The following SH3PXD2B variants were observed in gnomAD, a reference collection of about 807,000 sequenced individuals.
SH3PXD2B encodes SH3 and PX domains 2B.
A neutral mutation model predicts 73.1 loss-of-function variants in SH3PXD2B; 37 were observed. The ratio of observed to expected loss-of-function variants is 0.51; its 90% CI spans 0.39 to 0.67. SH3PXD2B has a LOEUF of 0.67. Among genes scored for constraint, SH3PXD2B ranks in the 30% least tolerant of loss-of-function variants. SH3PXD2B has a pLI of 0.00. For synonymous variants in SH3PXD2B, 457 were observed against 480.5 expected, an observed-to-expected ratio of 0.95 and a Z score of 0.64; for missense variants, 1,053 against 1,197.8, an observed-to-expected ratio of 0.88 and a Z score of 1.78.
At chr5:172,443,183 T>C (rs1467358758) in intron 1 of SH3PXD2B, among the ~76,000 whole-genome samples, 1 of 152,056 alleles carries the variant, frequency 6.6e-6, no homozygotes. Context: ...AACTTGGAAA[T>C]AGTAAGGAGT....
intron 3 of SH3PXD2B, among the ~76,000 whole-genome samples, chr5:172,401,046 C>A (rs1400218037): frequency 2.6e-5 from 4 of 152,196 alleles, no homozygotes; most frequent in African/African-American, 9.7e-5. Context: ...TCAAACGGCT[C>A]ATTTTGTTAA....
chr5:172,407,540 C>T (rs1180142342), intron 2 of SH3PXD2B, among the ~76,000 whole-genome samples: 2 of 152,168 alleles, frequency 1.3e-5, no homozygotes, highest in African/African-American at 2.4e-5. Flanking sequence ...CTTAACCTAC[C>T]CTGTTTAGTA....
chr5:172,334,586 G>A lies in SH3PXD2B; in HGVS notation c.*3783C>T. 1.0e-6 allele frequency: 1 copy of A among 985,528 alleles called. No homozygotes were observed. 61.0% of individuals were successfully genotyped at this position (985,528 alleles called of 1,614,324 possible). A position where few individuals can be genotyped will look rare whatever the true frequency, so the allele number is the denominator to read the frequency against. ...GTCACAGTCCAAAGAGAAAGGTACGGCCTCCAAGGGGGCAGCTTAAGCCAA... is the reference window on the plus strand; with the variant it reads ...GTCACAGTCCAAAGAGAAAGGTACGACCTCCAAGGGGGCAGCTTAAGCCAA... On this transcript the variant is annotated 3_prime_UTR_variant, in exon 13 of 13. Transcript: ENST00000311601.
intron 2 of SH3PXD2B, among the ~76,000 whole-genome samples, chr5:172,415,668 A>G (rs1279274278): frequency 6.6e-6 from 1 of 152,172 alleles, no homozygotes; most frequent in African/African-American, 2.4e-5. Context: ...ATGTGGCTCA[A>G]CCCAGCCACA....
chr5:172,411,348 AG>A lies in SH3PXD2B; in HGVS notation c.157-4997del, dbSNP rs1450429487. On this transcript the variant is annotated intron_variant, in intron 2 of 12. Coordinates refer to ENST00000311601, the MANE Select transcript of SH3PXD2B (RefSeq NM_001017995.3). ...CACTGCTGTGTTTTTCAGTCCTCAG[AG>A]GGGTCTCTACTGCCTGGTCTTAAGA... Among the ~76,000 whole-genome samples the A allele has an allele frequency of 2.0e-4, 31 of 152,074 alleles. 1 individual carries two copies. Among genetic ancestry groups the A allele is most frequent in the Admixed American group, 1.8e-3 (28 of 15,274 alleles).
At chr5:172,350,228 G>A (rs545540467) in intron 10 of SH3PXD2B, 135 bp downstream of exon 10, 1 of 807,508 alleles carries the variant, frequency 1.2e-6, no homozygotes, top group East Asian at 2.6e-5. Flanking sequence ...GGGTTTCTGG[G>A]CCTCTGTTTT....
rs372254353 is a variant in SH3PXD2B at position 172,402,701 on chromosome 5, T to C, written c.232+3576A>G. ...TAGGGGGAATTTTGGGGAAGGCATT[T>C]ACCTCCCGGAGCCTCAGTCTCCTCA... On this transcript the variant is annotated intron_variant, in intron 3 of 12. Transcript: ENST00000311601. 1.3e-3 allele frequency among the ~76,000 whole-genome samples: 194 copies of C among 152,314 alleles called. 1 individual carries two copies. The highest frequency in any genetic ancestry group is 4.4e-3 in the African/African-American group (182 of 41,594).
intron 1 of SH3PXD2B, among the ~76,000 whole-genome samples, chr5:172,437,725 T>C (rs879379357): frequency 6.6e-6 from 1 of 152,232 alleles, no homozygotes; most frequent in African/African-American, 2.4e-5. Context: ...AGGGCCAAAA[T>C]ACAAGTGCTT....
intron 6 of SH3PXD2B, among the ~76,000 whole-genome samples, chr5:172,372,029 G>A (rs188111651): frequency 1.5e-4 from 23 of 152,238 alleles, no homozygotes; most frequent in Non-Finnish European, 2.4e-4. Context: ...AATTCTCGAC[G>A]CCATTCCCTG....
chr5:172,367,730 G>A (rs1731621087), intron 6 of SH3PXD2B, among the ~76,000 whole-genome samples: 1 of 152,184 alleles, frequency 6.6e-6, no homozygotes, highest in South Asian at 2.1e-4. Flanking sequence ...GTGTGGAATT[G>A]TGCACATGTG....
intron 6 of SH3PXD2B, among the ~76,000 whole-genome samples, chr5:172,367,085 C>T (rs1757546967): frequency 6.6e-6 from 1 of 151,618 alleles, no homozygotes; most frequent in Non-Finnish European, 1.5e-5. Context: ...TACAGGCATG[C>T]ACCACCACAC....
At chr5:172,350,321 C>G (rs1034056058) in intron 10 of SH3PXD2B, 42 bp downstream of exon 10, 23 of 1,599,028 alleles carry the variant, frequency 1.4e-5, no homozygotes, top group Admixed American at 1.2e-4. Context: ...AGCTGGCACA[C>G]AGGGGCCCTG....
intron 1 of SH3PXD2B, among the ~76,000 whole-genome samples, chr5:172,439,692 GCACACACACACACACA>G (rs367799974): frequency 1.2e-3 from 162 of 138,626 alleles, no homozygotes; most frequent in Middle Eastern, 3.6e-3. Flanking sequence ...GCACGCGCGC[GCACACACACACACACA>G]CACACACACA....
At position 172,421,891 on chromosome 5, in the gene SH3PXD2B, C is replaced by T. The variant is rs1310473083; in HGVS notation, c.156+525G>A. 2.6e-5 allele frequency among the ~76,000 whole-genome samples: 4 copies of T among 152,238 alleles called. No individual in the cohort carries two copies. In the East Asian group the frequency reaches 7.7e-4, roughly 29 times the overall value. On this transcript the variant is annotated intron_variant, in intron 2 of 12. Transcript: ENST00000311601. The surrounding 1 kb of genome is among the most constrained non-coding windows in gnomAD (Gnocchi z 4.0). Reference sequence around the variant, plus strand: ...TTGGAAATGATTTCCAGATTACCCTCCATTCTGGAGCAGTTAACAGGCACC... The same window carrying T: ...TTGGAAATGATTTCCAGATTACCCTTCATTCTGGAGCAGTTAACAGGCACC...
chr5:172,325,228 G>C (rs1015361948), exon 13 of SH3PXD2B: 1 of 1,348,558 alleles, frequency 7.4e-7, no homozygotes, highest in East Asian at 2.5e-5. Context: ...TACAGTAAAA[G>C]CAGTTTAGCA....
intron 1 of SH3PXD2B, among the ~76,000 whole-genome samples, chr5:172,432,451 G>A (rs1478527365): frequency 6.6e-6 from 1 of 152,180 alleles, no homozygotes; most frequent in Non-Finnish European, 1.5e-5. Context: ...AAATGAGGGG[G>A]GAGTGTCGCT....
chr5:172,438,349 C>A (rs143201288), intron 1 of SH3PXD2B, among the ~76,000 whole-genome samples: 288 of 152,310 alleles, frequency 1.9e-3, no homozygotes, highest in African/African-American at 6.8e-3. Context: ...CTTTGCATTA[C>A]TGCACCCCCA....
At position 172,336,101 on chromosome 5, in the gene SH3PXD2B, T is replaced by G. The variant is rs1581256326; in HGVS notation, c.*2268A>C. The G allele has an allele frequency of 1.0e-6, 1 of 988,218 alleles. No individual in the cohort carries two copies. The highest frequency in any genetic ancestry group is 1.2e-6 in the Non-Finnish European group (1 of 832,128). The allele number at this position is 988,218 out of a possible 1,614,324, so 61.2% of individuals were successfully genotyped here. ...GACTCAAAGCTCTTCCAGCCAGGGA[T>G]GGAGCCACACACATCCCAGTCTACT... On this transcript the variant is annotated 3_prime_UTR_variant, in exon 13 of 13. Coordinates refer to ENST00000311601, the MANE Select transcript of SH3PXD2B (RefSeq NM_001017995.3).
chr5:172,450,999 C>T (rs1158696033), intron 1 of SH3PXD2B, among the ~76,000 whole-genome samples: 1 of 152,256 alleles, frequency 6.6e-6, no homozygotes, highest in South Asian at 2.1e-4. Context: ...CTCACAGGCA[C>T]CTGGAGCTTC....
Sources: allele counts gnomAD v4.1 joint callset (sites outside exome capture counted in the v4.1 genomes callset), GRCh38; gene constraint gnomAD v4.1.1; non-coding constraint Gnocchi (gnomAD v3.1); transcripts MANE v1.5; gene names NCBI Gene and HGNC (gene_info 2026-07-23, HGNC 2026-07-21).